Variants in RNF216 observed in about 807,000 individuals in gnomAD.
RNF216 encodes E3 ubiquitin-protein ligase RNF216.
Under a neutral mutation model 110.8 loss-of-function variants are expected in RNF216, and 72 were observed. That is an observed-to-expected ratio of 0.65 (90% confidence interval 0.54 to 0.79). The LOEUF (loss-of-function observed/expected upper bound fraction) is 0.79. Ranked by LOEUF, RNF216 falls within the 30% of genes least tolerant of loss-of-function variation. RNF216 has a pLI of 0.00. For missense variants in RNF216, 1,342 were observed against 1,141.2 expected (o/e 1.18, Z -2.54); for synonymous variants, 495 against 407.5 (o/e 1.21, Z -2.59).
intron 14 of RNF216, among the ~76,000 whole-genome samples, chr7:5,650,641 T>C (rs1389743157): frequency 2.6e-5 from 4 of 152,184 alleles, no homozygotes; most frequent in Admixed American, 6.5e-5. Context: ...CCTTGGCTCA[T>C]GGCCACCTTC....
intron 1 of RNF216, among the ~76,000 whole-genome samples, chr7:5,761,764 C>T (rs1355611301): frequency 6.8e-6 from 1 of 147,610 alleles, no homozygotes; most frequent in East Asian, 2.0e-4. Flanking sequence ...CCAGCCTGGG[C>T]AACAGAGTGA....
At chr7:5,755,570 G>A (rs1403725076) in intron 2 of RNF216, among the ~76,000 whole-genome samples, 3 of 152,182 alleles carry the variant, frequency 2.0e-5, no homozygotes, top group Non-Finnish European at 4.4e-5. Flanking sequence ...AGTTTTGCAT[G>A]TTTTTGAGTA....
chr7:5,765,359 G>T (rs1796147565), intron 1 of RNF216, among the ~76,000 whole-genome samples: 1 of 151,966 alleles, frequency 6.6e-6, no homozygotes, highest in African/African-American at 2.4e-5. Context: ...AGCTACTTGG[G>T]AGGCTGAGGT....
chr7:5,776,447 T>C (rs1796779302), intron 1 of RNF216, among the ~76,000 whole-genome samples: 1 of 149,652 alleles, frequency 6.7e-6, no homozygotes, highest in Non-Finnish European at 1.5e-5. Flanking sequence ...ACAAAAAAAT[T>C]AGCCAGGCGT....
intron 3 of RNF216, among the ~76,000 whole-genome samples, chr7:5,748,611 TACACACACAC>T (rs10588945): frequency 0.049 from 7,028 of 143,130 alleles, 212 homozygotes; most frequent in Admixed American, 0.075. Context: ...TTTATATACA[TACACACACAC>T]ACACACACAC....
At chr7:5,644,827 CTTTTTTTT>C (rs59440013) in intron 14 of RNF216, among the ~76,000 whole-genome samples, 239 of 135,946 alleles carry the variant, frequency 1.8e-3, no homozygotes, top group East Asian at 2.5e-3. Context: ...TTCTTTTTTT[CTTTTTTTT>C]TTTTTTTGAA....
chr7:5,763,954 C>T (rs886414216), intron 1 of RNF216, among the ~76,000 whole-genome samples: 2 of 151,980 alleles, frequency 1.3e-5, no homozygotes, highest in South Asian at 2.1e-4. Flanking sequence ...CTTGGGAGGC[C>T]GAGGCAGGCG....
intron 15 of RNF216, among the ~76,000 whole-genome samples, chr7:5,636,227 CAA>C (rs1275739523): frequency 6.6e-6 from 1 of 152,208 alleles, no homozygotes; most frequent in Non-Finnish European, 1.5e-5. Flanking sequence ...ACTTATGTGT[CAA>C]GAGCTGGCTT....
At chr7:5,751,839 A>G (rs1471995281) in intron 3 of RNF216, among the ~76,000 whole-genome samples, 1 of 149,798 alleles carries the variant, frequency 6.7e-6, no homozygotes, top group Non-Finnish European at 1.5e-5. Flanking sequence ...AAAAAAAAAA[A>G]AAAAAAAAAA....
intron 13 of RNF216, among the ~76,000 whole-genome samples, chr7:5,659,437 G>C (rs1190196267): frequency 1.3e-5 from 2 of 152,200 alleles, no homozygotes; most frequent in Non-Finnish European, 2.9e-5. Context: ...GGGCAGGAGA[G>C]GGTCCGTCTC....
At chr7:5,683,271 A>AG (rs1790772698) in intron 13 of RNF216, among the ~76,000 whole-genome samples, 1 of 151,932 alleles carries the variant, frequency 6.6e-6, no homozygotes, top group African/African-American at 2.4e-5. Flanking sequence ...TTAAAAAAAA[A>AG]GGGGAAACAA....
chr7:5,744,859 T>C (rs998355894), intron 3 of RNF216, among the ~76,000 whole-genome samples: 4 of 151,704 alleles, frequency 2.6e-5, no homozygotes, highest in African/African-American at 7.3e-5. Context: ...GTAATCCCAG[T>C]TATTTGGGAG....
At chr7:5,765,877 C>G (rs1221830326) in intron 1 of RNF216, among the ~76,000 whole-genome samples, 1 of 147,630 alleles carries the variant, frequency 6.8e-6, no homozygotes, top group Non-Finnish European at 1.5e-5. Flanking sequence ...TGCTTGAACC[C>G]GGGAGGCAGA....
chr7:5,648,384 G>C (rs562007546), intron 14 of RNF216, among the ~76,000 whole-genome samples: 2 of 151,568 alleles, frequency 1.3e-5, no homozygotes, highest in African/African-American at 4.8e-5. Context: ...TGGGGTTACA[G>C]GCGTGAGCCA....
At chr7:5,778,502 A>G (rs974842346) in intron 1 of RNF216, among the ~76,000 whole-genome samples, 4 of 152,182 alleles carry the variant, frequency 2.6e-5, no homozygotes, top group Non-Finnish European at 5.9e-5. Context: ...CTCTGCTAAA[A>G]CTTAAGTTCC....
At chr7:5,679,611 G>C (rs1414188423) in intron 13 of RNF216, among the ~76,000 whole-genome samples, 1 of 152,230 alleles carries the variant, frequency 6.6e-6, no homozygotes. Context: ...ATAAGGCTTA[G>C]CTCCAGGCGC....
At chr7:5,661,487 G>A (rs1306786203) in intron 13 of RNF216, among the ~76,000 whole-genome samples, 1 of 152,166 alleles carries the variant, frequency 6.6e-6, no homozygotes, top group African/African-American at 2.4e-5. Context: ...GGGAAGTACT[G>A]GAGAATTATT....
rs117897027 is a variant in RNF216 at position 5,700,544 on chromosome 7, G to T, written c.2061+11217C>A. Reference sequence around the variant, plus strand: ...GGTGGTGTGTGGTTTCTAGAAAGAGGGCCACTCCAAGCTTCTGATCCCCAC... The same window carrying T: ...GGTGGTGTGTGGTTTCTAGAAAGAGTGCCACTCCAAGCTTCTGATCCCCAC... On this transcript the variant is annotated intron_variant, in intron 13 of 16. Coordinates refer to ENST00000389902, the MANE Select transcript of RNF216 (RefSeq NM_207111.4). Among the ~76,000 whole-genome samples, 651 of 152,082 alleles carry T rather than the reference G, an allele frequency of 4.3e-3. 2 individuals are homozygous for T. Among genetic ancestry groups the T allele is most frequent in the Non-Finnish European group, 7.6e-3 (517 of 67,988 alleles).
chr7:5,735,012 G>A (rs776423846), intron 5 of RNF216, among the ~76,000 whole-genome samples: 12 of 151,356 alleles, frequency 7.9e-5, no homozygotes, highest in South Asian at 2.1e-4. Context: ...CTAGCTGGGC[G>A]GTGGGCACCT....
Sources: gnomAD v4.1 joint callset for allele counts (sites outside exome capture counted in the v4.1 genomes callset) on GRCh38, gnomAD v4.1.1 for gene constraint, MANE v1.5 for transcripts, NCBI Gene and HGNC (gene_info 2026-07-23, HGNC 2026-07-21) for gene names.